Variants in SEM1 observed in about 807,000 individuals in gnomAD.
SEM1 encodes the protein 26S proteasome complex subunit SEM1.
In SEM1, 3 loss-of-function variants were observed where a neutral mutation model predicts 12.7. That is an observed-to-expected ratio of 0.24 (90% CI 0.11 to 0.61). The LOEUF (loss-of-function observed/expected upper bound fraction) is 0.61. Among genes scored for constraint, SEM1 ranks in the 20% least tolerant of loss-of-function variants. The pLI is 0.88. For missense variants in SEM1, 59 were observed against 81.3 expected (o/e 0.73, Z 1.06); for synonymous variants, 30 against 27.8 (o/e 1.08, Z -0.25).
rs1371699078 is a variant in SEM1 at position 96,640,875 on chromosome 7, C to T, written c.171-18232G>A. ...TCTCTGTGTGTTCATTTCAGTTTTGCTGTTAACCTAACACTGCTCTAAAAA... is the reference window on the plus strand; with the variant it reads ...TCTCTGTGTGTTCATTTCAGTTTTGTTGTTAACCTAACACTGCTCTAAAAA... On this transcript the variant is annotated intron_variant, in intron 2 of 2. Coordinates refer to the SEM1 transcript ENST00000417009. The surrounding 1 kb of genome is among the most constrained non-coding windows in gnomAD (Gnocchi z 4.0). Among the ~76,000 whole-genome samples, 1 of 151,984 alleles carries T rather than the reference C, an allele frequency of 6.6e-6. No individual in the cohort carries two copies. Among genetic ancestry groups the T allele is most frequent in the African/African-American group, 2.4e-5 (1 of 41,482 alleles).
At chr7:96,576,936 G>A (rs1806222928) in intron 2 of SEM1, among the ~76,000 whole-genome samples, 1 of 152,068 alleles carries the variant, frequency 6.6e-6, no homozygotes, top group African/African-American at 2.4e-5. Flanking sequence ...TGACCAACAT[G>A]GTGAAACCCC....
chr7:96,530,006 C>T (rs572258962), intron 2 of SEM1, among the ~76,000 whole-genome samples: 1 of 152,182 alleles, frequency 6.6e-6, no homozygotes, highest in South Asian at 2.1e-4. Flanking sequence ...AAACTCTCAA[C>T]TAGCATTCGT....
At chr7:96,522,638 G>A (rs1804314121) in intron 2 of SEM1, among the ~76,000 whole-genome samples, 1 of 151,602 alleles carries the variant, frequency 6.6e-6, no homozygotes, top group Non-Finnish European at 1.5e-5. Context: ...AGCACTTTGG[G>A]AGGCCAAGGC....
upstream of SEM1, among the ~76,000 whole-genome samples, chr7:96,499,050 G>A (rs1803411182): frequency 6.6e-6 from 1 of 152,116 alleles, no homozygotes; most frequent in Non-Finnish European, 1.5e-5. Flanking sequence ...AAACCAAAAT[G>A]TCTTAATACT....
intron 2 of SEM1, among the ~76,000 whole-genome samples, chr7:96,661,711 G>A (rs559108725): frequency 6.6e-6 from 1 of 152,164 alleles, no homozygotes; most frequent in Non-Finnish European, 1.5e-5. Flanking sequence ...CAGGGGGCCG[G>A]GCGTGGTGCC....
chr7:96,619,259 A>T (rs987693334), downstream of SEM1, among the ~76,000 whole-genome samples: 29 of 151,768 alleles, frequency 1.9e-4, no homozygotes, highest in East Asian at 1.9e-3. Flanking sequence ...GTAGGAAAAA[A>T]TTTTTTCCTG....
At chr7:96,624,085 A>G (rs776968506) in intron 2 of SEM1, among the ~76,000 whole-genome samples, 1 of 152,170 alleles carries the variant, frequency 6.6e-6, no homozygotes, top group Non-Finnish European at 1.5e-5. Context: ...CAAATAAGGT[A>G]ACATTCCATC....
intron 2 of SEM1, among the ~76,000 whole-genome samples, chr7:96,634,750 C>G (rs1013599451): frequency 7.2e-5 from 11 of 151,880 alleles, no homozygotes; most frequent in African/African-American, 2.7e-4. Context: ...AAGAAAGTAT[C>G]AGGCTTGGTG....
At chr7:96,627,030 A>G (rs1808092809) in intron 2 of SEM1, among the ~76,000 whole-genome samples, 1 of 152,084 alleles carries the variant, frequency 6.6e-6, no homozygotes, top group African/African-American at 2.4e-5. Flanking sequence ...TTATGCATCT[A>G]GGAATTTAAC....
chr7:96,521,616 A>T (rs1804272942), intron 2 of SEM1, among the ~76,000 whole-genome samples: 1 of 152,156 alleles, frequency 6.6e-6, no homozygotes, highest in South Asian at 2.1e-4. Context: ...TCAGGTCACA[A>T]CTGCGTAATG....
chr7:96,562,900 G>A (rs976985282), intron 2 of SEM1, among the ~76,000 whole-genome samples: 1 of 152,138 alleles, frequency 6.6e-6, no homozygotes, highest in African/African-American at 2.4e-5. Flanking sequence ...GCTTTCCTTC[G>A]TACATCCAAA....
intron 2 of SEM1, among the ~76,000 whole-genome samples, chr7:96,591,597 C>T (rs1806830486): frequency 6.6e-6 from 1 of 152,192 alleles, no homozygotes; most frequent in Non-Finnish European, 1.5e-5. Flanking sequence ...CATCAGATGG[C>T]TTCTACCCAG....
chr7:96,508,926 A>T (rs187266041), intron 2 of SEM1, among the ~76,000 whole-genome samples: 1 of 152,256 alleles, frequency 6.6e-6, no homozygotes, highest in Admixed American at 6.5e-5. Context: ...GGATTTGAAA[A>T]AGTGTAGTGA....
chr7:96,486,438 A>G, intron 1 of SEM1: 2 of 1,528,930 alleles, frequency 1.3e-6, no homozygotes, highest in Non-Finnish European at 1.8e-6. Flanking sequence ...AGTTGAAGGT[A>G]TTATCCTAGA....
intron 2 of SEM1, among the ~76,000 whole-genome samples, chr7:96,659,817 TAAAC>T (rs1468212942): frequency 1.6e-5 from 2 of 123,134 alleles, no homozygotes; most frequent in African/African-American, 6.2e-5. Context: ...ATGGAATAAA[TAAAC>T]AAAATATCCC....
chr7:96,591,734 T>A (rs1260729082), intron 2 of SEM1, among the ~76,000 whole-genome samples: 1 of 152,194 alleles, frequency 6.6e-6, no homozygotes. Flanking sequence ...TAGAGGGCTA[T>A]TCCTTTTTCC....
chr7:96,657,668 C>T (rs778067055), intron 2 of SEM1, among the ~76,000 whole-genome samples: 13 of 152,106 alleles, frequency 8.5e-5, no homozygotes, highest in African/African-American at 2.2e-4. Context: ...ACATTGGCTT[C>T]GAAAAAGAAG....
At chr7:96,544,305 C>T (rs1805039623) in intron 2 of SEM1, among the ~76,000 whole-genome samples, 1 of 152,006 alleles carries the variant, frequency 6.6e-6, no homozygotes. Flanking sequence ...TATGACACAT[C>T]AGTTGTAGCA....
rs895256728 is a variant in SEM1, at chr7:96,563,163, G to A, written c.171-56465C>T. ...AGTAGACAAGAGGTGACATGCAAAA[G>A]GATGGCCTTAGAACAAACTATTCAT... On this transcript the variant is annotated intron_variant and NMD_transcript_variant, in intron 2 of 3. Transcript: ENST00000466986. Among the ~76,000 whole-genome samples the A allele has an allele frequency of 2.0e-5, 3 of 152,028 alleles. No individual in the cohort carries two copies. The South Asian group carries it at 6.2e-4, about 32-fold the overall frequency.
Sources: gnomAD v4.1 joint callset for allele counts (sites outside exome capture counted in the v4.1 genomes callset) on GRCh38, gnomAD v4.1.1 for gene constraint, Gnocchi (gnomAD v3.1) non-coding constraint, MANE v1.5 for transcripts, NCBI Gene and HGNC (gene_info 2026-07-23, HGNC 2026-07-21) for gene names.